ROBO2: variants seen among roughly 807,000 people sequenced by gnomAD.
The protein encoded by ROBO2 is roundabout homolog 2.
A neutral mutation model predicts 160.8 loss-of-function variants in ROBO2; 53 were observed. The observed-to-expected ratio is 0.33, with a 90% CI of 0.26 to 0.41. The LOEUF is 0.41. Ranked by LOEUF, ROBO2 falls within the 10% of genes least tolerant of loss-of-function variation. ROBO2 has a pLI of 1.00. For synonymous variants in ROBO2, 664 were observed against 611.7 expected, an observed-to-expected ratio of 1.09 and a Z score of -1.26; for missense variants, 1,577 against 1,722.4, an observed-to-expected ratio of 0.92 and a Z score of 1.49.
intron 2 of ROBO2, among the ~76,000 whole-genome samples, chr3:76,239,378 A>C (rs1307508277): frequency 6.8e-6 from 1 of 146,508 alleles, no homozygotes; most frequent in Admixed American, 6.9e-5. Flanking sequence ...ATATATGTAC[A>C]TATATAGTAT....
intron 2 of ROBO2, among the ~76,000 whole-genome samples, chr3:76,312,510 A>G (rs1361669529): frequency 6.6e-6 from 1 of 152,220 alleles, no homozygotes; most frequent in Non-Finnish European, 1.5e-5. Flanking sequence ...ACAGGCACTT[A>G]GCTTAGATGG....
intron 2 of ROBO2, among the ~76,000 whole-genome samples, chr3:77,223,093 G>T (rs181637494): frequency 6.6e-6 from 1 of 152,264 alleles, no homozygotes; most frequent in Non-Finnish European, 1.5e-5. Context: ...CACCCTGAAA[G>T]CTCTTACAGT....
chr3:76,282,586 G>A (rs1288196792), intron 2 of ROBO2, among the ~76,000 whole-genome samples: 1 of 151,578 alleles, frequency 6.6e-6, no homozygotes, highest in African/African-American at 2.4e-5. Context: ...CTTGCCTATT[G>A]GCATTTTAAA....
intron 2 of ROBO2, among the ~76,000 whole-genome samples, chr3:77,328,569 C>G (rs981337977): frequency 2.0e-5 from 3 of 152,104 alleles, no homozygotes; most frequent in African/African-American, 7.2e-5. Context: ...GATTGATCTG[C>G]TGTTTAACTT....
In ROBO2 at chr3:76,407,841, T is replaced by C. The variant is rs553586857; in HGVS notation, c.109+470239T>C. Among the ~76,000 whole-genome samples the C allele has an allele frequency of 2.6e-5, 4 of 152,190 alleles. No homozygotes were observed. The East Asian group carries it at 5.8e-4, about 22-fold the overall frequency. ...ATGCAGAACAAGCGAGTCCAACCCA[T>C]GGCCCATGAGCCTCATGCAGCCCAG... On this transcript the variant is annotated intron_variant, in intron 2 of 26. Coordinates refer to the ROBO2 transcript ENST00000487694.
intron 6 of ROBO2, among the ~76,000 whole-genome samples, chr3:77,532,749 T>G (rs1482977291): frequency 1.3e-5 from 2 of 151,888 alleles, no homozygotes; most frequent in Non-Finnish European, 2.9e-5. Context: ...ATTTTCTTGT[T>G]AAGCTCTAAT....
At position 76,530,632 on chromosome 3, in the gene ROBO2, A is replaced by G. The variant is rs901606705; in HGVS notation, c.110-567382A>G. Among the ~76,000 whole-genome samples the G allele has an allele frequency of 2.6e-5, 4 of 152,298 alleles. No homozygotes were observed. In the South Asian group the frequency reaches 8.3e-4, roughly 32 times the overall value. On this transcript the variant is annotated intron_variant, in intron 2 of 26. Coordinates refer to the ROBO2 transcript ENST00000487694. Reference sequence around the variant, plus strand: ...AAGTGAAAGTGATCTTAGATTGGAAATATGCAAAGCCCTATTTTAATCAGT... The same window carrying G: ...AAGTGAAAGTGATCTTAGATTGGAAGTATGCAAAGCCCTATTTTAATCAGT...
chr3:76,656,316 T>C (rs2091521589), intron 2 of ROBO2, among the ~76,000 whole-genome samples: 1 of 152,152 alleles, frequency 6.6e-6, no homozygotes, highest in South Asian at 2.1e-4. Context: ...ATATTTTGTG[T>C]TCCCATCAAA....
intron 2 of ROBO2, among the ~76,000 whole-genome samples, chr3:76,192,490 C>T (rs1454283822): frequency 6.7e-6 from 1 of 150,084 alleles, no homozygotes; most frequent in African/African-American, 2.5e-5. Flanking sequence ...ATGAAATCTT[C>T]AGGAATTCTC....
intron 17 of ROBO2, among the ~76,000 whole-genome samples, chr3:77,594,465 T>C (rs775722): frequency 0.44 from 66,921 of 152,040 alleles, 14,764 homozygotes; most frequent in Middle Eastern, 0.52. Flanking sequence ...GGATGCTTAT[T>C]GGTGTTGCTA....
chr3:77,164,858 C>A (rs1287462216), intron 2 of ROBO2, among the ~76,000 whole-genome samples: 1 of 52,788 alleles, frequency 1.9e-5, no homozygotes, highest in African/African-American at 4.7e-5. Context: ...CCCCTCAGCC[C>A]GGCCAGCCAC....
At position 77,477,349 on chromosome 3, in the gene ROBO2, T is replaced by C. The variant is rs531848435; in HGVS notation, c.389-65T>C. 13 of 1,537,866 alleles carry C rather than the reference T, an allele frequency of 8.5e-6. No homozygotes were observed. The African/African-American group carries it at 1.6e-4, about 19-fold the overall frequency. On this transcript the variant is annotated intron_variant, in intron 2 of 25. Transcript: ENST00000461745. The stretch of plus-strand genomic sequence containing the variant: ...AAGGTAAACAAGACTTGAAGTTACC[T>C]TGTACAACAAAAAGCCTAAGTTACT...
At chr3:77,180,388 TTCTCTCTCTCTC>T (rs369947015) in intron 2 of ROBO2, among the ~76,000 whole-genome samples, 2 of 99,428 alleles carry the variant, frequency 2.0e-5, no homozygotes, top group African/African-American at 6.6e-5. Flanking sequence ...ACCTTTTGAA[TTCTCTCTCTCTC>T]TCTCTCTCTC....
chr3:76,179,163 A>G (rs1701379165), intron 2 of ROBO2, among the ~76,000 whole-genome samples: 1 of 152,140 alleles, frequency 6.6e-6, no homozygotes, highest in South Asian at 2.1e-4. Context: ...ATTAATAATG[A>G]GACATATTCC....
intron 16 of ROBO2, among the ~76,000 whole-genome samples, chr3:77,588,470 T>C (rs2094107063): frequency 6.9e-6 from 1 of 145,472 alleles, no homozygotes. Context: ...TCCTAGTACT[T>C]ATTTTTATAA....
exon 17 of ROBO2, chr3:77,588,789 A>G: frequency 6.2e-7 from 1 of 1,613,554 alleles, no homozygotes; most frequent in Non-Finnish European, 8.5e-7. Flanking sequence ...AAACAATAAC[A>G]GCATAACTGA....
At chr3:77,568,735 A>T (rs2093559564) in intron 13 of ROBO2, among the ~76,000 whole-genome samples, 1 of 152,014 alleles carries the variant, frequency 6.6e-6, no homozygotes, top group Non-Finnish European at 1.5e-5. Context: ...AGAGTTTCTA[A>T]ATTATCACCA....
intron 2 of ROBO2, among the ~76,000 whole-genome samples, chr3:76,742,523 A>G (rs1323515691): frequency 1.3e-5 from 2 of 152,156 alleles, no homozygotes; most frequent in African/African-American, 4.8e-5. Flanking sequence ...TTAATTCATA[A>G]AAGAGGTAAG....
intron 2 of ROBO2, among the ~76,000 whole-genome samples, chr3:76,953,500 C>T (rs1485760113): frequency 2.6e-5 from 4 of 152,150 alleles, no homozygotes; most frequent in South Asian, 2.1e-4. Context: ...TACAAATCTG[C>T]AAATCTATTC....
Sources: gnomAD v4.1 joint callset for allele counts (sites outside exome capture counted in the v4.1 genomes callset) on GRCh38, gnomAD v4.1.1 for gene constraint, MANE v1.5 for transcripts, NCBI Gene and HGNC (gene_info 2026-07-23, HGNC 2026-07-21) for gene names.